Variants in SLAMF7 observed in about 807,000 individuals in gnomAD.
The protein encoded by SLAMF7 is 19A24 protein.
A neutral mutation model predicts 34.1 loss-of-function variants in SLAMF7; 26 were observed. The ratio of observed to expected loss-of-function variants is 0.76; its 90% confidence interval spans 0.56 to 1.06. The LOEUF is 1.06. Among genes scored for constraint, SLAMF7 ranks in the 50% least tolerant of loss-of-function variants. The pLI is 0.00. For missense variants in SLAMF7, 399 were observed against 402.5 expected, an observed-to-expected ratio of 0.99 and a Z score of 0.07; for synonymous variants, 171 against 156.4, an observed-to-expected ratio of 1.09 and a Z score of -0.70.
chr1:160,747,584 G>A (rs1229138360), intron 1 of SLAMF7, among the ~76,000 whole-genome samples: 6 of 152,186 alleles, frequency 3.9e-5, no homozygotes, highest in Non-Finnish European at 8.8e-5. Flanking sequence ...GGAGGCTGAA[G>A]AAAGACAATC....
chr1:160,739,231 T>G (rs1005913809), upstream of SLAMF7: 4 of 1,345,100 alleles, frequency 3.0e-6, no homozygotes, highest in African/African-American at 5.8e-5. Flanking sequence ...AAATATCAGC[T>G]GGGGAAGAGG....
At chr1:160,749,659 A>G (rs1664399968) in intron 2 of SLAMF7, among the ~76,000 whole-genome samples, 162 bp from the exon 3 acceptor site, 1 of 152,218 alleles carries the variant, frequency 6.6e-6, no homozygotes, top group Non-Finnish European at 1.5e-5. Flanking sequence ...AGACCTAGGT[A>G]GTTCTCTTTT....
At chr1:160,747,663 C>T (rs1346673745) in intron 1 of SLAMF7, among the ~76,000 whole-genome samples, 1 of 152,224 alleles carries the variant, frequency 6.6e-6, no homozygotes, top group Non-Finnish European at 1.5e-5. Context: ...CGTGCCACTG[C>T]AATCCCGCCT....
Position 160,749,870 on chromosome 1 carries a change from T to C in SLAMF7, c.426T>C (p.Asn142=). The change falls in exon 3 of 7, where the codon AAT becomes AAC. Residue 142 remains asparagine, a synonymous_variant. Transcript: ENST00000368043. ...KVTMGLQSNK[N]GTCVTNLTCC... is the part of the protein sequence containing the mutation. The stretch of plus-strand genomic sequence containing the variant: ...CCATGGGTCTGCAGAGCAATAAGAA[T>C]GGCACCTGTGTGACCAATCTGACAT... The C allele has an allele frequency of 6.2e-7, 1 of 1,613,610 alleles. No individual in the cohort carries two copies. The highest frequency in any genetic ancestry group is 8.5e-7 in the Non-Finnish European group (1 of 1,179,710).
At position 160,749,978 on chromosome 1, in the gene SLAMF7, CATCCTCCCCATCTCCTGGAGATGGGG is replaced by C. The variant is rs774434512; in HGVS notation, c.536_561del (p.Ile179ArgfsTer3). 1 of 1,614,150 alleles carries C rather than the reference CATCCTCCCCATCTCCTGGAGATGGGG, an allele frequency of 6.2e-7. No homozygotes were observed. The highest frequency in any genetic ancestry group is 1.7e-5 in the Admixed American group (1 of 60,036). On this transcript the variant is annotated frameshift_variant, in exon 3 of 7. Coordinates refer to ENST00000368043, the MANE Select transcript of SLAMF7 (RefSeq NM_021181.5). LOFTEE classifies it high-confidence loss of function. ...CAGCCAATGAGTCCCATAATGGGTCCATCCTCCCCATCTCCTGGAGATGGGGAGAAAGTGATATGACCTTCATCTGC... is the reference window on the plus strand; with the variant it reads ...CAGCCAATGAGTCCCATAATGGGTCCAGAAAGTGATATGACCTTCATCTGC...
At chr1:160,750,562 C>T in intron 4 of SLAMF7, 139 bp downstream of exon 4, 2 of 990,516 alleles carry the variant, frequency 2.0e-6, no homozygotes, top group Non-Finnish European at 3.0e-6. Flanking sequence ...CAGTCTCTGC[C>T]CTCAAGAAGC....
At position 160,750,435 on chromosome 1, in the gene SLAMF7, A is replaced by G. The variant is rs765968631; in HGVS notation, c.769+12A>G. 4.3e-6 allele frequency: 7 copies of G among 1,611,970 alleles called. No individual in the cohort carries two copies. The South Asian group carries it at 6.6e-5, about 15-fold the overall frequency. On this transcript the variant is annotated intron_variant, in intron 4 of 6. Coordinates refer to ENST00000368043, the MANE Select transcript of SLAMF7 (RefSeq NM_021181.5). ...AGAGAGACAAGAAGGTAGAGCGTGT[A>G]CTATTTTTGTCCTCACCCACATTCA...
rs764773847 is a variant in SLAMF7 at position 160,753,330 on chromosome 1, T to C, written c.*153T>C. ...CAGGATAAATTATCTCTGATGCTTC[T>C]TTAGATTTAAGAGTTCATAATTCCA... On this transcript the variant is annotated 3_prime_UTR_variant, in exon 7 of 7. Coordinates refer to ENST00000368043, the MANE Select transcript of SLAMF7 (RefSeq NM_021181.5). The C allele has an allele frequency of 3.5e-5, 23 of 665,044 alleles. No individual in the cohort carries two copies. The highest frequency in any genetic ancestry group is 5.9e-5 in the Non-Finnish European group (23 of 392,370). The allele number at this position is 665,044 out of a possible 1,614,324, so 41.2% of individuals were successfully genotyped here.
In SLAMF7 at chr1:160,751,338, C is replaced by A. The variant is rs1220534767; in HGVS notation, c.770-7C>A. 6.8e-6 allele frequency: 11 copies of A among 1,608,040 alleles called. No individual in the cohort carries two copies. The highest frequency in any genetic ancestry group is 9.4e-6 in the Non-Finnish European group (11 of 1,174,598). ...GTGGCTTTGATTCTCTCCCAACTTGCTTTTAGAGTACATTGAAGAGAAGAA... is the reference window on the plus strand; with the variant it reads ...GTGGCTTTGATTCTCTCCCAACTTGATTTTAGAGTACATTGAAGAGAAGAA... On this transcript the variant is annotated splice_polypyrimidine_tract_variant and splice_region_variant and intron_variant, in intron 4 of 6. Coordinates refer to ENST00000368043, the MANE Select transcript of SLAMF7 (RefSeq NM_021181.5).
chr1:160,751,204 C>G lies in SLAMF7; in HGVS notation c.770-141C>G, dbSNP rs933810194. 3 of 667,744 alleles carry G rather than the reference C, an allele frequency of 4.5e-6. No homozygotes were observed. The South Asian group carries it at 5.3e-5, about 12-fold the overall frequency. 41.4% of individuals were successfully genotyped at this position (667,744 alleles called of 1,614,324 possible). A position where few individuals can be genotyped will look rare whatever the true frequency, so the allele number is the denominator to read the frequency against. On this transcript the variant is annotated intron_variant, in intron 4 of 6. Transcript: ENST00000368043. ...TTTCCCAGTTTTAACACTGAAAGTC[C>G]TCTATCCTGAAAACCCTTCCATTAC...
At chr1:160,752,018 C>T in intron 5 of SLAMF7, 168 bp from the exon 6 acceptor site, 1 of 550,102 alleles carries the variant, frequency 1.8e-6, no homozygotes, top group South Asian at 2.8e-5. Flanking sequence ...CAGTCACCAA[C>T]AAGAGAACTT....
intron 1 of SLAMF7, among the ~76,000 whole-genome samples, chr1:160,743,359 G>A (rs1394519473): frequency 6.6e-6 from 1 of 152,222 alleles, no homozygotes; most frequent in Non-Finnish European, 1.5e-5. Flanking sequence ...TGAGGATCAG[G>A]GGAGGGAGGA....
chr1:160,741,317 C>G (rs1230318450), intron 1 of SLAMF7, among the ~76,000 whole-genome samples: 2 of 151,992 alleles, frequency 1.3e-5, no homozygotes, highest in African/African-American at 4.8e-5. Flanking sequence ...TGAAAAGAAC[C>G]AGAAGAAACA....
At chr1:160,753,040 G>T in intron 6 of SLAMF7, 66 bp from the exon 7 acceptor site, 3 of 1,448,040 alleles carry the variant, frequency 2.1e-6, no homozygotes, top group Non-Finnish European at 2.9e-6. Flanking sequence ...GGATGTCAGG[G>T]TCTCCATGGA....
intron 1 of SLAMF7, among the ~76,000 whole-genome samples, chr1:160,743,767 C>A (rs1197486005): frequency 6.6e-6 from 1 of 152,218 alleles, no homozygotes; most frequent in African/African-American, 2.4e-5. Flanking sequence ...CGGCTCACTG[C>A]AGCCTCCACC....
chr1:160,745,852 C>T (rs1050322342), intron 1 of SLAMF7, among the ~76,000 whole-genome samples: 9 of 152,284 alleles, frequency 5.9e-5, no homozygotes, highest in South Asian at 2.1e-4. Context: ...TTACAATAAA[C>T]GTTTGGTGCA....
chr1:160,741,755 G>T (rs1558052157), intron 1 of SLAMF7, among the ~76,000 whole-genome samples: 1 of 152,162 alleles, frequency 6.6e-6, no homozygotes, highest in Non-Finnish European at 1.5e-5. Flanking sequence ...GCCTCCAAAG[G>T]TGGCGCCATG....
chr1:160,741,767 G>A (rs934592062), intron 1 of SLAMF7, among the ~76,000 whole-genome samples: 9 of 152,266 alleles, frequency 5.9e-5, no homozygotes, highest in Admixed American at 5.9e-4. Context: ...GGCGCCATGG[G>A]GCACAGTCTG....
Position 160,753,233 on chromosome 1 carries a change from A to G in SLAMF7, c.*56A>G. 2.1e-6 allele frequency: 3 copies of G among 1,450,264 alleles called. No homozygotes were observed. The highest frequency in any genetic ancestry group is 2.9e-6 in the Non-Finnish European group (3 of 1,043,742). The allele number at this position is 1,450,264 out of a possible 1,614,324, so 89.8% of individuals were successfully genotyped here. On this transcript the variant is annotated 3_prime_UTR_variant, in exon 7 of 7. Coordinates refer to ENST00000368043, the MANE Select transcript of SLAMF7 (RefSeq NM_021181.5). ...AAAAAAAAAACAATTCTCGGCCCAA[A>G]GAAAACAATCAGAAGAATTCACTGA...
Sources: gnomAD v4.1 joint callset for allele counts (sites outside exome capture counted in the v4.1 genomes callset) on GRCh38, gnomAD v4.1.1 for gene constraint, MANE v1.5 for transcripts, NCBI Gene and HGNC (gene_info 2026-07-23, HGNC 2026-07-21) for gene names.